Variants in GPR89B observed in about 807,000 individuals in gnomAD.
GPR89B encodes G protein-coupled receptor 89B.
Under a neutral mutation model 52.4 loss-of-function variants are expected in GPR89B, and 25 were observed. That is an observed-to-expected ratio of 0.48 (90% CI 0.35 to 0.67). The LOEUF (loss-of-function observed/expected upper bound fraction) is 0.67, where lower values mean the gene tolerates loss of function less well. Among genes scored for constraint, GPR89B ranks in the 30% least tolerant of loss-of-function variants. The pLI is 0.01. For synonymous variants in GPR89B, 52 were observed against 151.2 expected (o/e 0.34, Z 4.81); for missense variants, 146 against 450.2 (o/e 0.32, Z 6.11).
At chr1:148,016,965 C>T in the GPR89B span, among the ~76,000 whole-genome samples, 8 of 151,786 alleles carry the variant, frequency 5.3e-5, no homozygotes, top group Non-Finnish European at 1.2e-4. Flanking sequence ...TCCCATCCAG[C>T]GAATTTATCA....
At chr1:148,001,996 C>T in the GPR89B span, among the ~76,000 whole-genome samples, 1 of 150,390 alleles carries the variant, frequency 6.6e-6, no homozygotes, top group Admixed American at 6.6e-5. Context: ...ATATACATGC[C>T]TCCAGGTGCC....
chr1:148,012,597 C>G, the GPR89B span, among the ~76,000 whole-genome samples: 3 of 150,296 alleles, frequency 2.0e-5, no homozygotes, highest in Non-Finnish European at 4.4e-5. Flanking sequence ...CAGCAGAACA[C>G]TGACATATAG....
chr1:148,020,827 A>G, the GPR89B span, among the ~76,000 whole-genome samples: 1 of 151,720 alleles, frequency 6.6e-6, no homozygotes, highest in African/African-American at 2.4e-5. Context: ...AGCTGCGATT[A>G]CAGGCACGTG....
intron 5 of GPR89B, among the ~76,000 whole-genome samples, chr1:147,950,899 G>C (rs1655628322): frequency 6.6e-6 from 1 of 152,220 alleles, no homozygotes. Context: ...TCCAGCTTCG[G>C]CTCAGCATCA....
intron 1 of GPR89B, among the ~76,000 whole-genome samples, chr1:147,932,909 A>G (rs1445733297): frequency 3.3e-5 from 5 of 152,162 alleles, no homozygotes; most frequent in South Asian, 2.1e-4. Context: ...CTTGAGTTCA[A>G]TCTTGATTCT....
At chr1:147,973,767 C>T (rs1571298286) in intron 10 of GPR89B, among the ~76,000 whole-genome samples, 1 of 151,806 alleles carries the variant, frequency 6.6e-6, no homozygotes, top group Admixed American at 6.6e-5. Flanking sequence ...AATGGTATTG[C>T]CTAGATTTTC....
At chr1:147,950,110 G>C (rs1404137392) in intron 5 of GPR89B, among the ~76,000 whole-genome samples, 1 of 151,516 alleles carries the variant, frequency 6.6e-6, no homozygotes, top group African/African-American at 2.4e-5. Flanking sequence ...GGTGGCTGCC[G>C]GGCAGAGACG....
intron 5 of GPR89B, among the ~76,000 whole-genome samples, chr1:147,949,289 C>T (rs1553250365): frequency 1.3e-5 from 2 of 151,476 alleles, no homozygotes; most frequent in East Asian, 3.9e-4. Flanking sequence ...ACCTCCCAGA[C>T]AGGGTGGTGG....
rs1401100541 is a variant in GPR89B, at chr1:147,988,861, C to CAA, written c.1095+352_1095+353dup. 7.2e-3 allele frequency among the ~76,000 whole-genome samples: 946 copies of CAA among 130,766 alleles called. 11 individuals carry two copies. The highest frequency in any genetic ancestry group is 0.025 in the African/African-American group (881 of 35,120). 85.8% of individuals were successfully genotyped at this position (130,766 alleles called of 152,430 possible). ...CTGGTGAAAGAGCAACACTCCATCT[C>CAA]AAAAAAAAAAAAATAGGTGGTACCA... On this transcript the variant is annotated intron_variant, in intron 12 of 13. Transcript: ENST00000314163.
chr1:147,995,129 C>G (rs1321059782), downstream of GPR89B, among the ~76,000 whole-genome samples: 2 of 151,962 alleles, frequency 1.3e-5, no homozygotes, highest in Non-Finnish European at 2.9e-5. Context: ...TACATGCTCA[C>G]TATGAGCCAG....
At chr1:148,014,693 AC>A in the GPR89B span, 3 of 151,702 alleles carry the variant, frequency 2.0e-5, no homozygotes, top group Non-Finnish European at 2.9e-5. Context: ...CAAAGATTCC[AC>A]GGACAGTCAC....
chr1:147,943,379 G>A (rs1333018563), intron 3 of GPR89B, 59 bp from the exon 4 acceptor site: 104 of 1,598,144 alleles, frequency 6.5e-5, no homozygotes, highest in Non-Finnish European at 1.4e-5. Flanking sequence ...GAAGACTAAA[G>A]AGAAAGAAAG....
intron 7 of GPR89B, among the ~76,000 whole-genome samples, chr1:147,956,347 CT>C (rs1307006360): frequency 2.6e-5 from 4 of 152,150 alleles, no homozygotes; most frequent in African/African-American, 9.7e-5. Context: ...CAGCTTTGTT[CT>C]TTTATTCATG....
At chr1:147,939,943 G>A (rs9437994) in intron 3 of GPR89B, among the ~76,000 whole-genome samples, 4,075 of 147,160 alleles carry the variant, frequency 0.028, 103 homozygotes, top group African/African-American at 0.058. Context: ...GAGGATATGC[G>A]GTGAGCTGTG....
the GPR89B span, among the ~76,000 whole-genome samples, chr1:148,016,975 A>G: frequency 6.6e-6 from 1 of 151,560 alleles, no homozygotes; most frequent in Non-Finnish European, 1.5e-5. Context: ...CGAATTTATC[A>G]TCTCTGATAT....
chr1:148,015,334 T>TCTCTCTCTCG, the GPR89B span, among the ~76,000 whole-genome samples: 4 of 138,738 alleles, frequency 2.9e-5, no homozygotes, highest in African/African-American at 1.1e-4. Flanking sequence ...TCTCTCTCTC[T>TCTCTCTCTCG]CGACGGAGTC....
intron 10 of GPR89B, among the ~76,000 whole-genome samples, chr1:147,983,954 T>A (rs1157428312): frequency 1.3e-5 from 2 of 151,742 alleles, no homozygotes; most frequent in Non-Finnish European, 2.9e-5. Context: ...TAGACTGGAT[T>A]CAGAAAATGT....
At chr1:147,997,362 G>C (rs1659341082), downstream of GPR89B, among the ~76,000 whole-genome samples, 1 of 152,156 alleles carries the variant, frequency 6.6e-6, no homozygotes. Context: ...CTACAGAAAA[G>C]GCAAAGGTGT....
the GPR89B span, among the ~76,000 whole-genome samples, chr1:148,017,497 G>T: frequency 6.6e-6 from 1 of 150,640 alleles, no homozygotes; most frequent in African/African-American, 2.5e-5. Context: ...CACTTTGGGA[G>T]GCCGAGGTGG....
Sources: gnomAD v4.1 joint callset for allele counts (sites outside exome capture counted in the v4.1 genomes callset) on GRCh38, gnomAD v4.1.1 for gene constraint, MANE v1.5 for transcripts, NCBI Gene and HGNC (gene_info 2026-07-23, HGNC 2026-07-21) for gene names.